Variants in SORL1 observed in about 807,000 individuals in gnomAD.
The protein encoded by SORL1 is sortilin related receptor 1.
A neutral mutation model predicts 273.7 loss-of-function variants in SORL1; 127 were observed. That is an observed-to-expected ratio of 0.46 (90% CI 0.40 to 0.54). SORL1 has a LOEUF of 0.54. SORL1 is among the 20% of genes least tolerant of loss of function. The pLI is 0.00. For synonymous variants in SORL1, 1,031 were observed against 1,067.4 expected, an observed-to-expected ratio of 0.97 and a Z score of 0.66; for missense variants, 2,494 against 2,846.1, an observed-to-expected ratio of 0.88 and a Z score of 2.81.
intron 1 of SORL1, among the ~76,000 whole-genome samples, chr11:121,456,458 A>T (rs1481089788): frequency 6.6e-6 from 1 of 152,202 alleles, no homozygotes; most frequent in Non-Finnish European, 1.5e-5. Flanking sequence ...CACATTATAT[A>T]AAATGTATTT....
chr11:121,452,593 G>A lies in SORL1; in HGVS notation c.262G>A (p.Glu88Lys). ...GAAACGGAGCGCTGCCCTGCAGCCCGAGCCCATCAAGGTGTACGGACAGGT... is the reference window on the plus strand; with the variant it reads ...GAAACGGAGCGCTGCCCTGCAGCCCAAGCCCATCAAGGTGTACGGACAGGT... ...RRKRSAALQP[E>K]PIKVYGQVSL... The change falls in exon 1 of 48, where the codon GAG becomes AAG. Residue 88 changes from glutamate to lysine, a missense_variant. Glu to Lys is a moderately conservative substitution (Grantham distance 56). Coordinates refer to ENST00000260197, the MANE Select transcript of SORL1 (RefSeq NM_003105.6). This position sits in a 1 kb window ranked among gnomAD's most constrained non-coding sequence, Gnocchi z 5.3. The A allele has an allele frequency of 5.3e-6, 8 of 1,521,850 alleles. No homozygotes were observed. Among genetic ancestry groups the A allele is most frequent in the Non-Finnish European group, 7.0e-6 (8 of 1,142,444 alleles). The allele number at this position is 1,521,850 out of a possible 1,614,324, so 94.3% of individuals were successfully genotyped here. A position where few individuals can be genotyped will look rare whatever the true frequency, so the allele number is the denominator to read the frequency against.
In SORL1 at chr11:121,583,527, C is replaced by T. The variant is rs764949795; in HGVS notation, c.3650C>T (p.Ala1217Val). Reference sequence around the variant, plus strand: ...GGGCACTGCATCCCCCAGCGGTGGGCGTGTGACGGGGATACGGACTGCCAG... The same window carrying T: ...GGGCACTGCATCCCCCAGCGGTGGGTGTGTGACGGGGATACGGACTGCCAG... ...RNGHCIPQRW[A>V]CDGDTDCQDG... The change falls in exon 26 of 48, where the codon GCG becomes GTG. Residue 1217 changes from alanine (A) to valine (V), a missense_variant. Physicochemically the swap from Ala to Val is moderately conservative, Grantham distance 64. Around this residue, in one of 3 missense-constraint regions of SORL1, gnomAD observed 1,609 missense variants for 1,816.4 expected, o/e 0.89. Transcript: ENST00000260197. The T allele has an allele frequency of 1.1e-5, 17 of 1,612,608 alleles. No homozygotes were observed. The Admixed American group carries it at 1.7e-4, about 16-fold the overall frequency.
At chr11:121,540,706 A>G (rs1862335787) in intron 12 of SORL1, among the ~76,000 whole-genome samples, 1 of 152,164 alleles carries the variant, frequency 6.6e-6, no homozygotes, top group Admixed American at 6.5e-5. Flanking sequence ...CATTTTCTAA[A>G]TGAGCAGTGT....
In SORL1 at chr11:121,606,839, T is replaced by C. The variant is rs767093418; in HGVS notation, c.4949-6T>C. On this transcript the variant is annotated splice_polypyrimidine_tract_variant and splice_region_variant and intron_variant, in intron 35 of 47. Transcript: ENST00000260197. ...GGTTTTAACCTTGAGTTGACTCTTT[T>C]TCTAGTGCCAGATGCCCCTCGAAAT... The C allele has an allele frequency of 6.2e-7, 1 of 1,612,182 alleles. No homozygotes were observed. Among genetic ancestry groups the C allele is most frequent in the African/African-American group, 1.3e-5 (1 of 74,862 alleles).
At chr11:121,454,853 A>G (rs1860876466) in intron 1 of SORL1, among the ~76,000 whole-genome samples, 1 of 152,182 alleles carries the variant, frequency 6.6e-6, no homozygotes, top group Admixed American at 6.5e-5. Context: ...TGATCTTTCT[A>G]GCAAGGATGA....
At chr11:121,556,907 G>C (rs1444921742) in intron 18 of SORL1, 1 of 177,788 alleles carries the variant, frequency 5.6e-6, no homozygotes, top group African/African-American at 2.4e-5. Context: ...TCATTGCAAG[G>C]CTGTGACATT....
rs748083252 is a variant in SORL1 at position 121,550,623 on chromosome 11, A to T, written c.2219A>T (p.Asp740Val). The part of the protein sequence containing the change: ...KISGDTCSGG[D>V]VEARLEGELV... ...TCTGGGGACACTTGTAGCGGAGGAG[A>T]TGTTGAAGCGCGACTGGAAGGAGAG... Residue 740 changes from aspartate to valine, a missense_variant, in exon 16 of 48, where the codon GAT (aspartate) becomes GTT (valine). This residue lies in a region of SORL1 where 710 missense variants were observed against 882.5 expected (regional missense o/e 0.80). Coordinates refer to ENST00000260197, the MANE Select transcript of SORL1 (RefSeq NM_003105.6). The surrounding 1 kb of genome is among the most constrained non-coding windows in gnomAD (Gnocchi z 5.3). 1 of 1,614,040 alleles carries T rather than the reference A, an allele frequency of 6.2e-7. No individual in the cohort carries two copies. Among genetic ancestry groups the T allele is most frequent in the Non-Finnish European group, 8.5e-7 (1 of 1,179,968 alleles).
At chr11:121,487,960 G>A (rs1386553646) in intron 3 of SORL1, 72 bp from the exon 4 acceptor site, 13 of 1,528,546 alleles carry the variant, frequency 8.5e-6, no homozygotes, top group South Asian at 4.8e-5. Context: ...GTGTGGACTC[G>A]CACATGGTTT....
intron 42 of SORL1, 140 bp downstream of exon 42, chr11:121,619,033 A>G: frequency 1.2e-6 from 1 of 836,494 alleles, no homozygotes; most frequent in Non-Finnish European, 1.9e-6. Flanking sequence ...TCTTCTTCAT[A>G]AGCATCATCA....
intron 36 of SORL1, 45 bp downstream of exon 36, chr11:121,607,002 A>G: frequency 7.1e-7 from 1 of 1,414,134 alleles, no homozygotes; most frequent in Non-Finnish European, 1.0e-6. Flanking sequence ...TGGGGGTGCT[A>G]GGAGATTTCT....
Position 121,586,167 on chromosome 11 carries a change from A to G in SORL1, c.3707-55A>G, listed in dbSNP as rs1333333306. The G allele has an allele frequency of 2.8e-6, 4 of 1,410,790 alleles. No homozygotes were observed. The African/African-American group carries it at 5.6e-5, about 20-fold the overall frequency. 87.4% of individuals were successfully genotyped at this position (1,410,790 alleles called of 1,614,324 possible). A position where few individuals can be genotyped will look rare whatever the true frequency, so the allele number is the denominator to read the frequency against. The stretch of plus-strand genomic sequence containing the variant: ...TGTACTCCCGCCAGCACTGTGTGTG[A>G]GTGCCTGCCTGTTTCCTCCTCGTCA... On this transcript the variant is annotated intron_variant, in intron 26 of 47. Transcript: ENST00000260197.
At chr11:121,469,088 T>C (rs752010914) in intron 1 of SORL1, among the ~76,000 whole-genome samples, 5 of 152,186 alleles carry the variant, frequency 3.3e-5, no homozygotes, top group Non-Finnish European at 7.3e-5. Flanking sequence ...CGGAGGTCTT[T>C]TCCATGGGGA....
At chr11:121,613,116 C>G (rs1863590506) in intron 40 of SORL1, among the ~76,000 whole-genome samples, 1 of 152,212 alleles carries the variant, frequency 6.6e-6, no homozygotes, top group Non-Finnish European at 1.5e-5. Flanking sequence ...GACTAATTCT[C>G]TGCAGATGAG....
At chr11:121,617,400 G>A (rs1344422259) in intron 41 of SORL1, among the ~76,000 whole-genome samples, 3 of 152,134 alleles carry the variant, frequency 2.0e-5, no homozygotes, top group East Asian at 1.9e-4. Flanking sequence ...AGTAAGTCAC[G>A]ATATATAGGA....
rs1443220363 is a variant in SORL1 at position 121,550,774 on chromosome 11, A to AAAAC, written c.2266+107_2266+110dup. ...TGTGGCTCCTTTAATTGAGTGGAGA[A>AAAAC]AAACAATGGCCGTCACAAGCATCAC... On this transcript the variant is annotated intron_variant, in intron 16 of 47. Coordinates refer to ENST00000260197, the MANE Select transcript of SORL1 (RefSeq NM_003105.6). This position sits in a 1 kb window ranked among gnomAD's most constrained non-coding sequence, Gnocchi z 5.3. 9.6e-6 allele frequency: 8 copies of AAAAC among 832,706 alleles called. No individual in the cohort carries two copies. The highest frequency in any genetic ancestry group is 3.4e-5 in the African/African-American group (2 of 58,194). The allele number at this position is 832,706 out of a possible 1,614,324, so 51.6% of individuals were successfully genotyped here. A position where few individuals can be genotyped will look rare whatever the true frequency, so the allele number is the denominator to read the frequency against.
Position 121,452,369 on chromosome 11 carries a change from C to G in SORL1, c.38C>G (p.Pro13Arg), listed in dbSNP as rs1032527926. 3 of 1,554,114 alleles carry G rather than the reference C, an allele frequency of 1.9e-6. No homozygotes were observed. Among genetic ancestry groups the G allele is most frequent in the Non-Finnish European group, 2.6e-6 (3 of 1,154,712 alleles). Residue 13 changes from proline to arginine, a missense_variant, in exon 1 of 48, where the codon CCG (proline) becomes CGG (arginine). Physicochemically the swap from Pro to Arg is moderately radical, Grantham distance 103. This residue lies in a region of SORL1 where 175 missense variants were observed against 147.1 expected (regional missense o/e 1.19). Transcript: ENST00000260197. This position sits in a 1 kb window ranked among gnomAD's most constrained non-coding sequence, Gnocchi z 5.3. Reference protein sequence around the residue: ...TRSSRRESRLPFLFTLVALLP... With the variant: ...TRSSRRESRLRFLFTLVALLP... Reference sequence around the variant, plus strand: ...AGCAGCAGGAGGGAGTCGCGACTCCCGTTCCTATTCACCCTGGTCGCACTG... The same window carrying G: ...AGCAGCAGGAGGGAGTCGCGACTCCGGTTCCTATTCACCCTGGTCGCACTG...
intron 12 of SORL1, among the ~76,000 whole-genome samples, chr11:121,541,849 C>A (rs979801164): frequency 6.6e-6 from 1 of 152,200 alleles, no homozygotes; most frequent in Non-Finnish European, 1.5e-5. Context: ...AGTGCAGTTA[C>A]TCAAATGCTG....
At position 121,605,535 on chromosome 11, in the gene SORL1, A is replaced by C. The variant is rs1393409409; in HGVS notation, c.4912A>C (p.Thr1638Pro). ...QVQCLSKAHN[T>P]NDFVTLRTPE... The stretch of plus-strand genomic sequence containing the variant: ...TCAGTGTCTCAGCAAGGCACACAAC[A>C]CCAATGACTTTGTGACCCTGAGGAC... Residue 1638 changes from threonine (T) to proline (P), a missense_variant, in exon 35 of 48, where the codon ACC (threonine) becomes CCC (proline). Physicochemically the swap from Thr to Pro is conservative, Grantham distance 38 (BLOSUM62 -1). Around this residue, in one of 3 missense-constraint regions of SORL1, gnomAD observed 1,609 missense variants for 1,816.4 expected, o/e 0.89. Transcript: ENST00000260197. 6.2e-7 allele frequency: 1 copy of C among 1,614,148 alleles called. No individual in the cohort carries two copies. The highest frequency in any genetic ancestry group is 8.5e-7 in the Non-Finnish European group (1 of 1,179,984).
chr11:121,507,675 TG>T (rs1262170857), intron 6 of SORL1, among the ~76,000 whole-genome samples: 1 of 152,184 alleles, frequency 6.6e-6, no homozygotes, highest in African/African-American at 2.4e-5. Context: ...GTTCTCATAC[TG>T]TCCTTTCATA....
Sources: gnomAD v4.1 joint callset for allele counts (sites outside exome capture counted in the v4.1 genomes callset) on GRCh38, gnomAD v4.1.1 for gene constraint, gnomAD v4.1.1 regional missense constraint, Gnocchi (gnomAD v3.1) non-coding constraint, MANE v1.5 for transcripts, NCBI Gene and HGNC (gene_info 2026-07-23, HGNC 2026-07-21) for gene names.